The following RABEP1 variants were observed in gnomAD, a reference collection of about 807,000 sequenced individuals.
RABEP1 encodes rab GTPase-binding effector protein 1.
RABEP1 carries 51 observed loss-of-function variants against 123.4 expected under a neutral mutation model. That is an observed-to-expected ratio of 0.41 (90% confidence interval 0.33 to 0.52). RABEP1 has a LOEUF of 0.52. Among genes scored for constraint, RABEP1 ranks in the 20% least tolerant of loss-of-function variants. The probability of loss-of-function intolerance (pLI) is 0.16; values close to 1 mark genes in which losing one functional copy is unlikely to be tolerated. For missense variants in RABEP1, 888 were observed against 996.3 expected (o/e 0.89, Z 1.46); for synonymous variants, 347 against 355.2 (o/e 0.98, Z 0.26).
chr17:5,338,333 G>A (rs1302554367), intron 5 of RABEP1, among the ~76,000 whole-genome samples, 195 bp downstream of exon 5: 2 of 152,140 alleles, frequency 1.3e-5, no homozygotes, highest in Admixed American at 6.5e-5. Context: ...AGGCTGAGGC[G>A]GGCGGATCAC....
chr17:5,316,671 A>G (rs1287602074), intron 2 of RABEP1, among the ~76,000 whole-genome samples: 1 of 150,926 alleles, frequency 6.6e-6, no homozygotes, highest in Non-Finnish European at 1.5e-5. Context: ...CGTATCTACT[A>G]GAAATGCAAA....
intron 6 of RABEP1, among the ~76,000 whole-genome samples, chr17:5,348,938 G>A (rs1005932880): frequency 6.6e-6 from 1 of 152,136 alleles, no homozygotes; most frequent in African/African-American, 2.4e-5. Context: ...ATACAATTCA[G>A]TAGTTTTTAA....
In RABEP1 at chr17:5,350,452, T is replaced by A; in HGVS notation, c.786T>A (p.Val262=). 1 of 1,608,530 alleles carries A rather than the reference T, an allele frequency of 6.2e-7. No homozygotes were observed. Among genetic ancestry groups the A allele is most frequent in the Non-Finnish European group, 8.5e-7 (1 of 1,178,250 alleles). Residue 262 remains valine (V), a splice_region_variant and synonymous_variant, in exon 7 of 18, where the codon GTT becomes GTA. Transcript: ENST00000537505. The stretch of plus-strand genomic sequence containing the variant: ...TGTGGTGGGGGGGTTCCTAAACAGT[T>A]TGCCATCTCTTGGAGCAAGAGCGAC... ...AEKLRKELHE[V]CHLLEQERQQ... is the part of the protein sequence containing the mutation.
intron 1 of RABEP1, among the ~76,000 whole-genome samples, chr17:5,301,650 T>C (rs545694933): frequency 6.6e-6 from 1 of 152,222 alleles, no homozygotes; most frequent in East Asian, 1.9e-4. Flanking sequence ...AAACTCCTTA[T>C]CTCATTCTTA....
At chr17:5,340,948 CA>C (rs61580974) in intron 5 of RABEP1, among the ~76,000 whole-genome samples, 96 of 117,848 alleles carry the variant, frequency 8.1e-4, no homozygotes, top group Middle Eastern at 4.7e-3. Context: ...AACTCCGTCT[CA>C]AAAAAAAAAA....
At chr17:5,333,133 T>C (rs1288486651) in intron 3 of RABEP1, among the ~76,000 whole-genome samples, 1 of 152,114 alleles carries the variant, frequency 6.6e-6, no homozygotes, top group Non-Finnish European at 1.5e-5. Context: ...TCACTGAATC[T>C]TTGAGTTCCT....
chr17:5,364,203 C>G (rs1909819379), intron 10 of RABEP1: 2 of 152,118 alleles, frequency 1.3e-5, no homozygotes, highest in Non-Finnish European at 2.9e-5. Flanking sequence ...TTTCAGTAGA[C>G]TGTTTTAAAG....
rs139361431 is a variant in RABEP1 at position 5,348,862 on chromosome 17, A to G, written c.785-1589A>G. On this transcript the variant is annotated intron_variant, in intron 6 of 17. Transcript: ENST00000537505. ...AGGCATGAGCCACTGCGCCCGGCCT[A>G]TTTTCTCTTAAATAATAGTTTTATT... Among the ~76,000 whole-genome samples, 111 of 152,240 alleles carry G rather than the reference A, an allele frequency of 7.3e-4. 1 individual carries two copies. Among genetic ancestry groups the G allele is most frequent in the African/African-American group, 2.5e-3 (105 of 41,546 alleles).
At chr17:5,305,146 T>C (rs571462892) in intron 1 of RABEP1, among the ~76,000 whole-genome samples, 23 of 152,342 alleles carry the variant, frequency 1.5e-4, no homozygotes, top group Admixed American at 4.6e-4. Flanking sequence ...TTGTAAACTT[T>C]CTCATATTGA....
At chr17:5,344,161 A>G (rs552306251) in intron 5 of RABEP1, among the ~76,000 whole-genome samples, 61 of 152,342 alleles carry the variant, frequency 4.0e-4, no homozygotes, top group African/African-American at 1.4e-3. Flanking sequence ...CAAAATAATA[A>G]AATTGCTAAG....
rs1358850681 is a variant in RABEP1, at chr17:5,338,231, G to A, written c.648+93G>A. On this transcript the variant is annotated intron_variant, in intron 5 of 17. Transcript: ENST00000537505. ...GAATCAGTAATAGGGAAAAAAACCT[G>A]TAATTTAGACTATGCATCTTAAGAA... 6 of 1,399,836 alleles carry A rather than the reference G, an allele frequency of 4.3e-6. No homozygotes were observed. In the African/African-American group the frequency reaches 4.4e-5, roughly 10 times the overall value. The allele number at this position is 1,399,836 out of a possible 1,614,324, so 86.7% of individuals were successfully genotyped here.
At chr17:5,352,022 T>G (rs539445310) in intron 7 of RABEP1, among the ~76,000 whole-genome samples, 2 of 152,276 alleles carry the variant, frequency 1.3e-5, no homozygotes, top group Non-Finnish European at 2.9e-5. Context: ...CTAGGATAGC[T>G]ATGTAAAAGT....
Position 5,354,437 on chromosome 17 carries a change from G to T in RABEP1, c.1042G>T (p.Val348Leu), listed in dbSNP as rs1308644396. The change falls in exon 8 of 18, where the codon GTA becomes TTA. Residue 348 changes from valine (V) to leucine (L), a missense_variant. By Grantham distance (32) the Val-to-Leu change is conservative (BLOSUM62 1). Coordinates refer to ENST00000537505, the MANE Select transcript of RABEP1 (RefSeq NM_004703.6). ...TGTTGAGGAAGAAATAAAAATACCA[G>T]TAGTGTGTGCTTTAACTCAAGAAGA... Reference protein sequence around the residue: ...ADVEEEIKIPVVCALTQEESS... With the variant: ...ADVEEEIKIPLVCALTQEESS... 6.2e-7 allele frequency: 1 copy of T among 1,613,174 alleles called. No homozygotes were observed. The highest frequency in any genetic ancestry group is 1.7e-5 in the Admixed American group (1 of 59,952).
At chr17:5,372,611 C>T (rs1164487441) in intron 12 of RABEP1, among the ~76,000 whole-genome samples, 2 of 152,222 alleles carry the variant, frequency 1.3e-5, no homozygotes, top group Non-Finnish European at 2.9e-5. Flanking sequence ...GTTTCTCCCT[C>T]CTTTCTGTCC....
In RABEP1 at chr17:5,367,835, A is replaced by G. The variant is rs540456525; in HGVS notation, c.1786-535A>G. On this transcript the variant is annotated intron_variant, in intron 11 of 17. Transcript: ENST00000537505. The stretch of plus-strand genomic sequence containing the variant: ...CAGGGTGCGTTCTGGGCTCACTGCA[A>G]CCTCTGCCTCCCGGTTTTCAAGCAA... Among the ~76,000 whole-genome samples the G allele has an allele frequency of 4.0e-5, 6 of 149,798 alleles. No individual in the cohort carries two copies. The East Asian group carries it at 8.2e-4, about 21-fold the overall frequency.
At chr17:5,380,610 T>C (rs1911374824) in intron 16 of RABEP1, 148 bp downstream of exon 16, 1 of 718,454 alleles carries the variant, frequency 1.4e-6, no homozygotes, top group African/African-American at 1.8e-5. Context: ...AGAAAAAACT[T>C]AAACGAATTG....
chr17:5,310,261 T>G (rs1002184784), intron 2 of RABEP1, among the ~76,000 whole-genome samples: 2 of 151,890 alleles, frequency 1.3e-5, no homozygotes, highest in African/African-American at 2.4e-5. Flanking sequence ...GGATAAAATT[T>G]TATATTGTTG....
At chr17:5,329,020 T>TTG (rs1491182023) in intron 2 of RABEP1, among the ~76,000 whole-genome samples, 2 of 27,614 alleles carry the variant, frequency 7.2e-5, no homozygotes, top group Non-Finnish European at 1.2e-4. Flanking sequence ...TCAGAAAGAC[T>TTG]TTTTTTTTTT....
intron 1 of RABEP1, 51 bp downstream of exon 1, chr17:5,282,571 G>T: frequency 9.0e-7 from 1 of 1,116,676 alleles, no homozygotes; most frequent in Non-Finnish European, 1.1e-6. Flanking sequence ...CCCGGCGTCG[G>T]CGTCGCGGGA....
Sources: allele counts gnomAD v4.1 joint callset (sites outside exome capture counted in the v4.1 genomes callset), GRCh38; gene constraint gnomAD v4.1.1; transcripts MANE v1.5; gene names NCBI Gene and HGNC (gene_info 2026-07-23, HGNC 2026-07-21).